Variants in TSBP1 observed in about 807,000 individuals in gnomAD.
TSBP1 encodes the protein testis expressed basic protein 1.
Under a neutral mutation model 68.8 loss-of-function variants are expected in TSBP1, and 56 were observed. That is an observed-to-expected ratio of 0.81 (90% CI 0.66 to 1.02). The LOEUF (loss-of-function observed/expected upper bound fraction) is 1.02, where lower values mean the gene tolerates loss of function less well. Among genes scored for constraint, TSBP1 ranks in the 50% least tolerant of loss-of-function variants. The pLI, the probability that TSBP1 is intolerant of heterozygous loss-of-function variation, is 0.00. For missense variants in TSBP1, 502 were observed against 641.2 expected, an observed-to-expected ratio of 0.78 and a Z score of 2.34; for synonymous variants, 171 against 208.7, an observed-to-expected ratio of 0.82 and a Z score of 1.56.
intron 2 of TSBP1, 141 bp from the exon 3 acceptor site, chr6:32,368,955 A>G: frequency 2.1e-6 from 2 of 974,424 alleles, no homozygotes; most frequent in Non-Finnish European, 1.4e-6. Context: ...GTTCTCACCC[A>G]TTTTCCACAT....
chr6:32,332,079 AT>A, intron 14 of TSBP1, 25 bp from the exon 16 acceptor site: 1 of 1,569,180 alleles, frequency 6.4e-7, no homozygotes, highest in Non-Finnish European at 8.8e-7. Flanking sequence ...AAATTGGCAT[AT>A]TAGTACAGTT....
In TSBP1 at chr6:32,314,560, CTT is replaced by C. The variant is rs1403482883; in HGVS notation, c.580+1210_580+1211del. 3.3e-5 allele frequency among the ~76,000 whole-genome samples: 5 copies of C among 152,202 alleles called. No homozygotes were observed. The highest frequency in any genetic ancestry group is 7.3e-5 in the Non-Finnish European group (5 of 68,042). On this transcript the variant is annotated intron_variant, in intron 19 of 22. Transcript: ENST00000612031. This position sits in a 1 kb window ranked among gnomAD's most constrained non-coding sequence, Gnocchi z 4.2. ...GTGAGAATACTTAGCTGATCAGCCT[CTT>C]TGCTCAGGCTTCAGAAAGGTATGTG...
At chr6:32,334,090 ATTTTGTTTC>A (rs1769366528) in intron 14 of TSBP1, 1 of 165,580 alleles carries the variant, frequency 6.0e-6, no homozygotes, top group Admixed American at 6.4e-5. Flanking sequence ...TCACTTCAAA[ATTTTGTTTC>A]TTCAGTTTTT....
chr6:32,308,597 C>CAA (rs9279570), intron 19 of TSBP1, among the ~76,000 whole-genome samples: 38,841 of 106,946 alleles, frequency 0.36, 7,165 homozygotes, highest in Middle Eastern at 0.49. Context: ...GACTCCGTCT[C>CAA]AAAAAAAAAA....
chr6:32,348,772 A>C (rs1316443209), intron 9 of TSBP1, among the ~76,000 whole-genome samples: 2 of 152,148 alleles, frequency 1.3e-5, no homozygotes, highest in Non-Finnish European at 2.9e-5. Flanking sequence ...TAATATCTGT[A>C]AATAGTCAAG....
intron 16 of TSBP1, chr6:32,323,966 TCTC>T (rs1767929257): frequency 3.7e-6 from 1 of 269,936 alleles, no homozygotes; most frequent in African/African-American, 2.2e-5. Flanking sequence ...GAAACAATTA[TCTC>T]CTTTTTCTTT....
Position 32,358,910 on chromosome 6 carries a change from T to TTTATTATTATTATTATTATTATTA in TSBP1, c.218-3265_218-3242dup, listed in dbSNP as rs9281749. Among the ~76,000 whole-genome samples, 865 of 148,064 alleles carry TTTATTATTATTATTATTATTATTA rather than the reference T, an allele frequency of 5.8e-3. 14 individuals carry two copies. The highest frequency in any genetic ancestry group is 0.019 in the African/African-American group (745 of 39,430). On this transcript the variant is annotated intron_variant, in intron 6 of 22. Transcript: ENST00000612031. Reference sequence around the variant, plus strand: ...GTGTCTTTATAGCAGCATGATTTGTTTTATTATTATTATTATTATTATTAT... The same window carrying TTTATTATTATTATTATTATTATTA: ...GTGTCTTTATAGCAGCATGATTTGTTTTATTATTATTATTATTATTATTATTATTATTATTATTATTATTATTAT...
At position 32,337,000 on chromosome 6, in the gene TSBP1, G is replaced by A. The variant is rs1399485065; in HGVS notation, c.410-365C>T. On this transcript the variant is annotated intron_variant, in intron 11 of 22. Coordinates refer to ENST00000612031, the Ensembl canonical transcript of TSBP1. This position sits in a 1 kb window ranked among gnomAD's most constrained non-coding sequence, Gnocchi z 5.2. ...ATTTGAATACAATTAAGAAGTATGA[G>A]TGAGAAATCCTGCAGGGGTAGAAAT... Among the ~76,000 whole-genome samples, 1 of 152,170 alleles carries A rather than the reference G, an allele frequency of 6.6e-6. No individual in the cohort carries two copies. The highest frequency in any genetic ancestry group is 1.5e-5 in the Non-Finnish European group (1 of 68,024).
exon 1 of TSBP1, chr6:32,371,802 G>A (rs936638985): frequency 2.1e-5 from 31 of 1,442,342 alleles, no homozygotes; most frequent in African/African-American, 1.1e-4. Context: ...CACTGTTTCT[G>A]AGCAATATGA....
At chr6:32,351,610 C>T (rs3117118) in intron 8 of TSBP1, among the ~76,000 whole-genome samples, 116,829 of 152,008 alleles carry the variant, frequency 0.77, 45,179 homozygotes, top group South Asian at 0.9. Context: ...GATATAGATA[C>T]AAATATGGGC....
At chr6:32,317,571 G>C (rs6457541) in intron 18 of TSBP1, among the ~76,000 whole-genome samples, 103,146 of 152,062 alleles carry the variant, frequency 0.68, 35,172 homozygotes, top group South Asian at 0.8. Flanking sequence ...TGGCAAAGGT[G>C]TAATATCCAG....
At position 32,357,549 on chromosome 6, in the gene TSBP1, C is replaced by T. The variant is rs775236492; in HGVS notation, c.218-1880G>A. The stretch of plus-strand genomic sequence containing the variant: ...AGAGGTACTTATTAAGGATCTCCCT[C>T]GCTGTGGTGAGGTGAATAGACTATA... On this transcript the variant is annotated intron_variant, in intron 6 of 22. Transcript: ENST00000612031. This position sits in a 1 kb window ranked among gnomAD's most constrained non-coding sequence, Gnocchi z 4.7. Among the ~76,000 whole-genome samples the T allele has an allele frequency of 3.3e-5, 5 of 152,070 alleles. No individual in the cohort carries two copies. The highest frequency in any genetic ancestry group is 1.9e-4 in the East Asian group (1 of 5,186).
intron 6 of TSBP1, among the ~76,000 whole-genome samples, chr6:32,360,484 T>C (rs957210907): frequency 2.6e-5 from 4 of 152,144 alleles, no homozygotes; most frequent in African/African-American, 9.7e-5. Flanking sequence ...TCCCGGGTAT[T>C]GTAAATAATG....
At chr6:32,307,885 C>T (rs1263005358) in intron 19 of TSBP1, among the ~76,000 whole-genome samples, 1 of 151,818 alleles carries the variant, frequency 6.6e-6, no homozygotes, top group Non-Finnish European at 1.5e-5. Context: ...AAGTGACTCT[C>T]CAGCCTCAGC....
At chr6:32,319,092 T>C (rs905765036) in intron 18 of TSBP1, among the ~76,000 whole-genome samples, 19 of 152,190 alleles carry the variant, frequency 1.2e-4, no homozygotes, top group African/African-American at 4.1e-4. Context: ...ACCTAACATA[T>C]GCAAAACTGA....
intron 2 of TSBP1, among the ~76,000 whole-genome samples, chr6:32,369,373 A>ATTTTTTTTTTTTTTTTTTTTTTTT (rs9281761): frequency 1.0e-4 from 13 of 127,012 alleles, no homozygotes; most frequent in Admixed American, 2.5e-4. Flanking sequence ...AAACTCTGTG[A>ATTTTTTTTTTTTTTTTTTTTTTTT]TTTTTTTTTT....
chr6:32,328,955 G>A (rs140080169), intron 16 of TSBP1, among the ~76,000 whole-genome samples: 13 of 152,240 alleles, frequency 8.5e-5, no homozygotes, highest in African/African-American at 2.4e-4. Context: ...TGGCATAGTG[G>A]TGAAGTCTGG....
At chr6:32,311,394 C>G (rs1766386003) in intron 19 of TSBP1, among the ~76,000 whole-genome samples, 1 of 152,016 alleles carries the variant, frequency 6.6e-6, no homozygotes, top group Non-Finnish European at 1.5e-5. Context: ...CTTGTTACTC[C>G]CAAATTGACA....
intron 6 of TSBP1, among the ~76,000 whole-genome samples, chr6:32,360,873 T>TTC (rs1281512711): frequency 8.3e-6 from 1 of 120,160 alleles, no homozygotes; most frequent in Non-Finnish European, 2.0e-5. Flanking sequence ...TTTTGTTTTT[T>TTC]TCTCTCTCTC....
Sources: gnomAD v4.1 joint callset for allele counts (sites outside exome capture counted in the v4.1 genomes callset) on GRCh38, gnomAD v4.1.1 for gene constraint, Gnocchi (gnomAD v3.1) non-coding constraint, MANE v1.5 for transcripts, NCBI Gene and HGNC (gene_info 2026-07-23, HGNC 2026-07-21) for gene names.